KHDRBS2: variants seen among roughly 807,000 people sequenced by gnomAD.
KHDRBS2 encodes KH RNA binding domain containing, signal transduction associated 2.
Under a neutral mutation model 44.3 loss-of-function variants are expected in KHDRBS2, and 26 were observed. The observed-to-expected ratio is 0.59, with a 90% confidence interval of 0.43 to 0.81. KHDRBS2 has a LOEUF of 0.81. KHDRBS2 is among the 40% of genes least tolerant of loss of function. KHDRBS2 has a pLI of 0.00. For synonymous variants in KHDRBS2, 194 were observed against 151.1 expected, an observed-to-expected ratio of 1.28 and a Z score of -2.08; for missense variants, 476 against 433.1, an observed-to-expected ratio of 1.10 and a Z score of -0.88.
chr6:61,997,036 C>T (rs1777332861), intron 3 of KHDRBS2, among the ~76,000 whole-genome samples: 2 of 152,176 alleles, frequency 1.3e-5, no homozygotes, highest in South Asian at 4.1e-4. Context: ...CCACCTTGGC[C>T]TCCCAAAGTG....
intron 4 of KHDRBS2, among the ~76,000 whole-genome samples, chr6:61,938,805 A>T (rs1811527579): frequency 6.6e-6 from 1 of 152,176 alleles, no homozygotes; most frequent in Admixed American, 6.5e-5. Flanking sequence ...GGGATTCTAT[A>T]AAGAGAAAAA....
intron 2 of KHDRBS2, among the ~76,000 whole-genome samples, chr6:62,061,031 T>A (rs1791708140): frequency 6.6e-6 from 1 of 151,946 alleles, no homozygotes; most frequent in Non-Finnish European, 1.5e-5. Flanking sequence ...GCTTGGTAGA[T>A]CTTCCTCCAT....
intron 3 of KHDRBS2, among the ~76,000 whole-genome samples, chr6:62,002,031 G>T (rs180776089): frequency 6.6e-6 from 1 of 152,210 alleles, no homozygotes; most frequent in East Asian, 1.9e-4. Flanking sequence ...CATAGAAAGT[G>T]TAATGTTCCC....
At chr6:62,263,362 C>T (rs1008856363) in intron 1 of KHDRBS2, among the ~76,000 whole-genome samples, 1 of 151,624 alleles carries the variant, frequency 6.6e-6, no homozygotes, top group Middle Eastern at 3.4e-3. Context: ...AATATCAATT[C>T]TTTTTTCCAT....
intron 1 of KHDRBS2, among the ~76,000 whole-genome samples, chr6:62,277,924 T>C (rs1268679919): frequency 6.6e-6 from 1 of 152,142 alleles, no homozygotes; most frequent in African/African-American, 2.4e-5. Context: ...CACAAGTATT[T>C]GGCAAATAAA....
chr6:61,565,789 G>T, the KHDRBS2 span, among the ~76,000 whole-genome samples: 4 of 152,084 alleles, frequency 2.6e-5, no homozygotes, highest in African/African-American at 9.6e-5. Context: ...AAGATTCAAA[G>T]AAAACAGTAT....
At chr6:62,148,483 C>T (rs1329588195) in intron 2 of KHDRBS2, among the ~76,000 whole-genome samples, 3 of 151,842 alleles carry the variant, frequency 2.0e-5, no homozygotes, top group Admixed American at 6.6e-5. Flanking sequence ...CCATCATAAC[C>T]ACTGTGAAAG....
intron 6 of KHDRBS2, among the ~76,000 whole-genome samples, chr6:61,880,631 A>G (rs1268899710): frequency 3.9e-5 from 6 of 151,950 alleles, no homozygotes; most frequent in Non-Finnish European, 2.9e-5. Flanking sequence ...TCTGGTTTCA[A>G]ATATATAAGG....
chr6:61,893,078 A>T (rs996937224), intron 6 of KHDRBS2, among the ~76,000 whole-genome samples: 1 of 152,220 alleles, frequency 6.6e-6, no homozygotes, highest in African/African-American at 2.4e-5. Flanking sequence ...CCCATCAACA[A>T]GTGGGCAAAG....
chr6:61,709,056 A>G (rs1185141926), intron 7 of KHDRBS2, among the ~76,000 whole-genome samples: 4 of 151,710 alleles, frequency 2.6e-5, no homozygotes, highest in African/African-American at 9.7e-5. Flanking sequence ...TGAAGTATCA[A>G]TGAGATAACC....
chr6:61,940,525 CA>C (rs776905240), intron 4 of KHDRBS2, among the ~76,000 whole-genome samples: 21 of 152,262 alleles, frequency 1.4e-4, no homozygotes, highest in East Asian at 7.7e-4. Flanking sequence ...GACTTGGCCT[CA>C]AGCTATCTTC....
At chr6:62,157,991 T>C (rs1326676368) in intron 2 of KHDRBS2, among the ~76,000 whole-genome samples, 1 of 152,184 alleles carries the variant, frequency 6.6e-6, no homozygotes, top group Non-Finnish European at 1.5e-5. Flanking sequence ...ATTAAATGGA[T>C]TTAATCAGGT....
chr6:62,279,945 T>C (rs539605224), intron 1 of KHDRBS2, among the ~76,000 whole-genome samples: 1 of 152,222 alleles, frequency 6.6e-6, no homozygotes, highest in East Asian at 1.9e-4. Context: ...GCTAATATAG[T>C]GATGAAAAAG....
At chr6:62,019,066 G>T (rs1181040254) in intron 3 of KHDRBS2, among the ~76,000 whole-genome samples, 2 of 151,928 alleles carry the variant, frequency 1.3e-5, no homozygotes, top group Non-Finnish European at 2.9e-5. Context: ...ATTATAAGGT[G>T]AATCACATTT....
At chr6:62,224,042 T>C (rs1831342207) in intron 1 of KHDRBS2, among the ~76,000 whole-genome samples, 1 of 152,152 alleles carries the variant, frequency 6.6e-6, no homozygotes, top group Non-Finnish European at 1.5e-5. Context: ...CAGTACCAAT[T>C]TACTGTATTA....
At chr6:61,976,677 T>C (rs542435119) in intron 4 of KHDRBS2, among the ~76,000 whole-genome samples, 2 of 152,302 alleles carry the variant, frequency 1.3e-5, no homozygotes, top group Admixed American at 1.3e-4. Context: ...ATCTTCATTT[T>C]AAAGATGAAT....
intron 3 of KHDRBS2, among the ~76,000 whole-genome samples, chr6:62,026,114 C>A (rs1444445854): frequency 4.0e-5 from 6 of 151,842 alleles, no homozygotes; most frequent in Non-Finnish European, 7.4e-5. Flanking sequence ...AGGTTTAATT[C>A]TATTCTTAAC....
intron 6 of KHDRBS2, among the ~76,000 whole-genome samples, chr6:61,743,153 A>T (rs1026275730): frequency 6.6e-6 from 1 of 152,126 alleles, no homozygotes; most frequent in African/African-American, 2.4e-5. Flanking sequence ...AATAAAATTA[A>T]TAATATACAA....
At chr6:61,919,542 T>C (rs1056827030) in intron 4 of KHDRBS2, among the ~76,000 whole-genome samples, 27 of 151,914 alleles carry the variant, frequency 1.8e-4, no homozygotes, top group African/African-American at 4.8e-4. Flanking sequence ...ACCATTTTTT[T>C]CCTCAATTCT....
Sources: gnomAD v4.1 joint callset for allele counts (sites outside exome capture counted in the v4.1 genomes callset) on GRCh38, gnomAD v4.1.1 for gene constraint, MANE v1.5 for transcripts, NCBI Gene and HGNC (gene_info 2026-07-23, HGNC 2026-07-21) for gene names.